VEGFC: variants seen among roughly 807,000 people sequenced by gnomAD.
The protein encoded by VEGFC is FLT4 ligand DHM.
VEGFC carries 12 observed loss-of-function variants against 46.1 expected under a neutral mutation model. That is an observed-to-expected ratio of 0.26 (90% CI 0.17 to 0.42). The LOEUF (loss-of-function observed/expected upper bound fraction) is 0.42. VEGFC is among the 10% of genes least tolerant of loss of function. The probability of loss-of-function intolerance (pLI) is 1.00; values close to 1 mark genes in which losing one functional copy is unlikely to be tolerated. For missense variants in VEGFC, 488 were observed against 529.4 expected, an observed-to-expected ratio of 0.92 and a Z score of 0.77; for synonymous variants, 232 against 195.5, an observed-to-expected ratio of 1.19 and a Z score of -1.56.
chr4:176,759,942 T>C (rs896304737), intron 1 of VEGFC, among the ~76,000 whole-genome samples: 3 of 152,098 alleles, frequency 2.0e-5, no homozygotes, highest in African/African-American at 7.2e-5. Flanking sequence ...GACGAAGGCA[T>C]AGCTTCCAAA....
intron 1 of VEGFC, among the ~76,000 whole-genome samples, chr4:176,787,228 A>G (rs1293944449): frequency 6.6e-6 from 1 of 152,056 alleles, no homozygotes; most frequent in African/African-American, 2.4e-5. Context: ...TTAGGAGATC[A>G]AGTGGATCAC....
At chr4:176,722,341 T>C (rs1560945698) in intron 3 of VEGFC, among the ~76,000 whole-genome samples, 2 of 152,164 alleles carry the variant, frequency 1.3e-5, no homozygotes, top group Non-Finnish European at 2.9e-5. Flanking sequence ...AAAGATTCCA[T>C]GTGATCTAAA....
chr4:176,692,395 A>AAAAC lies in VEGFC; in HGVS notation c.705-4472_705-4469dup, dbSNP rs751112336. 4.4e-4 allele frequency among the ~76,000 whole-genome samples: 59 copies of AAAAC among 133,084 alleles called. 4 individuals carry two copies. The highest frequency in any genetic ancestry group is 7.7e-4 in the Non-Finnish European group (51 of 66,038). The allele number at this position is 133,084 out of a possible 152,430, so 87.3% of individuals were successfully genotyped here. A position where few individuals can be genotyped will look rare whatever the true frequency, so the allele number is the denominator to read the frequency against. On this transcript the variant is annotated intron_variant, in intron 4 of 6. Transcript: ENST00000618562. Reference sequence around the variant, plus strand: ...GGCGACAGAGCGAGACTCCGTCTCAAAAACAAACAAACAAACAAACAAAAA... The same window carrying AAAAC: ...GGCGACAGAGCGAGACTCCGTCTCAAAAACAAACAAACAAACAAACAAACAAAAA...
At position 176,687,219 on chromosome 4, in the gene VEGFC, T is replaced by C; in HGVS notation, c.1113A>G (p.Leu371=). 1 of 1,613,310 alleles carries C rather than the reference T, an allele frequency of 6.2e-7. No homozygotes were observed. Among genetic ancestry groups the C allele is most frequent in the Non-Finnish European group, 8.5e-7 (1 of 1,179,800 alleles). ...TTTGGTGGTGGAACTTCTTTCCTTT[T>C]AACAAGCATTTCTGTGGACTTTCTG... is the stretch of plus-strand genomic sequence containing the variant. The part of the protein sequence containing the change: ...ECTESPQKCL[L]KGKKFHHQTC... Residue 371 remains leucine (L), a synonymous_variant, in exon 6 of 7, where the codon TTA becomes TTG. Coordinates refer to ENST00000618562, the MANE Select transcript of VEGFC (RefSeq NM_005429.5).
intron 1 of VEGFC, among the ~76,000 whole-genome samples, chr4:176,767,585 A>C (rs1735649414): frequency 6.6e-6 from 1 of 152,106 alleles, no homozygotes; most frequent in African/African-American, 2.4e-5. Context: ...TGGATGCTTC[A>C]TGTTCTTTTG....
At position 176,687,877 on chromosome 4, in the gene VEGFC, T is replaced by C. The variant is rs1165104093; in HGVS notation, c.755A>G (p.His252Arg). ...TTCCTGAGCCAGGCATCTGCAGATGTGATTATTCCACATGTAATTGGTGGG... is the reference window on the plus strand; with the variant it reads ...TTCCTGAGCCAGGCATCTGCAGATGCGATTATTCCACATGTAATTGGTGGG... ...TCPTNYMWNN[H>R]ICRCLAQEDF... Residue 252 changes from histidine (H) to arginine (R), a missense_variant, in exon 5 of 7, where the codon CAC (histidine) becomes CGC (arginine). Coordinates refer to ENST00000618562, the MANE Select transcript of VEGFC (RefSeq NM_005429.5). 1 of 1,613,708 alleles carries C rather than the reference T, an allele frequency of 6.2e-7. No individual in the cohort carries two copies. Among genetic ancestry groups the C allele is most frequent in the South Asian group, 1.1e-5 (1 of 90,964 alleles).
At chr4:176,707,898 CT>C (rs1336456108) in intron 4 of VEGFC, among the ~76,000 whole-genome samples, 2 of 151,984 alleles carry the variant, frequency 1.3e-5, no homozygotes, top group Non-Finnish European at 2.9e-5. Flanking sequence ...GTGGATATTG[CT>C]TATGCTTGGT....
intron 1 of VEGFC, among the ~76,000 whole-genome samples, chr4:176,778,749 G>T (rs1309446822): frequency 1.3e-5 from 2 of 152,084 alleles, no homozygotes; most frequent in Admixed American, 6.6e-5. Context: ...AACCCCTGCT[G>T]CAAGACATTT....
chr4:176,759,027 AAG>A (rs1245006743), intron 1 of VEGFC, among the ~76,000 whole-genome samples: 3 of 152,166 alleles, frequency 2.0e-5, no homozygotes, highest in Admixed American at 2.0e-4. Context: ...TAAATGCCCT[AAG>A]AGAGTTTCCC....
At chr4:176,788,720 T>C (rs984623029) in intron 1 of VEGFC, among the ~76,000 whole-genome samples, 8 of 152,222 alleles carry the variant, frequency 5.3e-5, no homozygotes, top group Non-Finnish European at 1.2e-4. Flanking sequence ...GTATGGTTTC[T>C]ACTGAATGTC....
chr4:176,743,030 C>T (rs566423254), intron 1 of VEGFC, among the ~76,000 whole-genome samples: 2 of 152,020 alleles, frequency 1.3e-5, no homozygotes, highest in South Asian at 2.1e-4. Context: ...ATCAAAGGAA[C>T]CGGAAGAAGC....
chr4:176,759,846 A>G (rs1271082875), intron 1 of VEGFC, among the ~76,000 whole-genome samples: 1 of 152,128 alleles, frequency 6.6e-6, no homozygotes, highest in African/African-American at 2.4e-5. Flanking sequence ...CGCATTTGCC[A>G]GTGAAATAAA....
At position 176,728,381 on chromosome 4, in the gene VEGFC, TTTTA is replaced by T. The variant is rs551044493; in HGVS notation, c.362-417_362-414del. ...GCTCTCAATGCAAATATAAATATAATTTTATTTTTCTTTAAAACTGAGTTGCATA... is the reference window on the plus strand; with the variant it reads ...GCTCTCAATGCAAATATAAATATAATTTTTTCTTTAAAACTGAGTTGCATA... On this transcript the variant is annotated intron_variant, in intron 2 of 6. Coordinates refer to ENST00000618562, the MANE Select transcript of VEGFC (RefSeq NM_005429.5). Among the ~76,000 whole-genome samples, 428 of 152,312 alleles carry T rather than the reference TTTTA, an allele frequency of 2.8e-3. 7 individuals carry two copies. Among genetic ancestry groups the T allele is most frequent in the African/African-American group, 9.8e-3 (409 of 41,568 alleles).
intron 1 of VEGFC, among the ~76,000 whole-genome samples, chr4:176,779,748 A>T (rs1319622537): frequency 6.6e-6 from 1 of 152,232 alleles, no homozygotes; most frequent in Admixed American, 6.5e-5. Flanking sequence ...TAGGAAAAAA[A>T]AAAAGATAAA....
intron 5 of VEGFC, 21 bp from the exon 6 acceptor site, chr4:176,687,541 T>C: frequency 6.5e-7 from 1 of 1,541,100 alleles, no homozygotes; most frequent in Non-Finnish European, 8.7e-7. Flanking sequence ...AGTCAGAGAA[T>C]CTTTACTATA....
intron 4 of VEGFC, among the ~76,000 whole-genome samples, chr4:176,704,862 T>C (rs557169362): frequency 6.6e-6 from 1 of 152,318 alleles, no homozygotes; most frequent in South Asian, 2.1e-4. Flanking sequence ...GTCTCCAAGA[T>C]GCTTCCTCAC....
chr4:176,705,091 T>G (rs921963744), intron 4 of VEGFC, among the ~76,000 whole-genome samples: 1 of 152,234 alleles, frequency 6.6e-6, no homozygotes, highest in African/African-American at 2.4e-5. Flanking sequence ...GTTTGTACTC[T>G]AGTACATGAG....
chr4:176,707,957 T>C (rs1399767796), intron 4 of VEGFC, among the ~76,000 whole-genome samples: 1 of 151,838 alleles, frequency 6.6e-6, no homozygotes, highest in Non-Finnish European at 1.5e-5. Context: ...TAAATAATAA[T>C]AATTTATATT....
At position 176,687,173 on chromosome 4, in the gene VEGFC, T is replaced by C. The variant is rs760204789; in HGVS notation, c.1145+14A>G. ...TAGTAAGATAAATTAATATTCTTCA[T>C]GAGGATCTCTTACCTGCATGTTTGG... On this transcript the variant is annotated intron_variant, in intron 6 of 6. Transcript: ENST00000618562. The C allele has an allele frequency of 7.2e-5, 115 of 1,597,548 alleles. No individual in the cohort carries two copies. Among genetic ancestry groups the C allele is most frequent in the Non-Finnish European group, 9.1e-5 (107 of 1,173,502 alleles).
Sources: allele counts gnomAD v4.1 joint callset (sites outside exome capture counted in the v4.1 genomes callset), GRCh38; gene constraint gnomAD v4.1.1; transcripts MANE v1.5; gene names NCBI Gene and HGNC (gene_info 2026-07-23, HGNC 2026-07-21).